The following AGMO variants were observed in gnomAD, a reference collection of about 807,000 sequenced individuals.
The protein encoded by AGMO is glyceryl-ether monooxygenase.
In AGMO, 75 loss-of-function variants were observed where a neutral mutation model predicts 60.2. The ratio of observed to expected loss-of-function variants is 1.25; its 90% CI spans 1.03 to 1.51. AGMO has a LOEUF of 1.51. Ranked by LOEUF, AGMO falls within the 40% of genes most tolerant of loss-of-function variation. The pLI, the probability that AGMO is intolerant of heterozygous loss-of-function variation, is 0.00. For synonymous variants in AGMO, 261 were observed against 177.1 expected, an observed-to-expected ratio of 1.47 and a Z score of -3.76; for missense variants, 763 against 525.5, an observed-to-expected ratio of 1.45 and a Z score of -4.42.
chr7:15,379,053 C>A lies in AGMO; in HGVS notation c.1074+6393G>T, dbSNP rs903023942. On this transcript the variant is annotated intron_variant, in intron 10 of 12. Coordinates refer to ENST00000342526, the MANE Select transcript of AGMO (RefSeq NM_001004320.2). ...TTAAGGCAAAAGTTTCAAAGAAGTT[C>A]TTTGAAACTAATGAGAACAAAGACA... Among the ~76,000 whole-genome samples, 17 of 152,070 alleles carry A rather than the reference C, an allele frequency of 1.1e-4. No homozygotes were observed. The East Asian group carries it at 3.1e-3, about 28-fold the overall frequency.
At chr7:15,347,396 C>T (rs1782072694) in intron 12 of AGMO, among the ~76,000 whole-genome samples, 1 of 152,002 alleles carries the variant, frequency 6.6e-6, no homozygotes. Flanking sequence ...GACAACAGCT[C>T]CATTTATTTT....
At chr7:15,118,480 GCA>G in the AGMO span, among the ~76,000 whole-genome samples, 1 of 152,020 alleles carries the variant, frequency 6.6e-6, no homozygotes, top group East Asian at 1.9e-4. Context: ...TGTTTTCTCA[GCA>G]TAAGCTCACT....
At chr7:15,391,482 ATTAT>A (rs1015157248) in intron 6 of AGMO, among the ~76,000 whole-genome samples, 95 of 152,296 alleles carry the variant, frequency 6.2e-4, no homozygotes, top group African/African-American at 1.9e-3. Flanking sequence ...ATAGCTGGTC[ATTAT>A]TTATTTAATA....
At chr7:15,150,914 G>T in the AGMO span, among the ~76,000 whole-genome samples, 2 of 151,970 alleles carry the variant, frequency 1.3e-5, no homozygotes, top group African/African-American at 4.8e-5. Flanking sequence ...TTCTTTATAT[G>T]TCTGGTAGAA....
At chr7:15,430,072 C>A (rs1035979343) in intron 4 of AGMO, among the ~76,000 whole-genome samples, 12 of 151,726 alleles carry the variant, frequency 7.9e-5, no homozygotes, top group Non-Finnish European at 1.6e-4. Context: ...AAAATAAGAG[C>A]AATAATAATT....
chr7:15,479,079 C>T (rs1159827175), intron 3 of AGMO, among the ~76,000 whole-genome samples: 1 of 151,994 alleles, frequency 6.6e-6, no homozygotes, highest in Non-Finnish European at 1.5e-5. Context: ...TAGTTTTCAT[C>T]AAAATAAATA....
At chr7:15,268,774 G>A (rs960377440) in intron 12 of AGMO, among the ~76,000 whole-genome samples, 1 of 151,912 alleles carries the variant, frequency 6.6e-6, no homozygotes, top group African/African-American at 2.4e-5. Flanking sequence ...TGGGGATAAT[G>A]TAGGCATTTG....
chr7:15,354,385 T>TGTGTATATAC lies in AGMO; in HGVS notation c.1263+11128_1263+11129insGTATATACAC, dbSNP rs1455945717. 2.6e-3 allele frequency among the ~76,000 whole-genome samples: 25 copies of TGTGTATATAC among 9,672 alleles called. 4 individuals are homozygous for TGTGTATATAC. The highest frequency in any genetic ancestry group is 0.015 in the African/African-American group (22 of 1,506). 6.3% of individuals were successfully genotyped at this position (9,672 alleles called of 152,430 possible). A position where few individuals can be genotyped will look rare whatever the true frequency, so the allele number is the denominator to read the frequency against. ...GTGTATATAGACGTGTGTATACACG[T>TGTGTATATAC]GTGTGTATACACGTGTGTGTACACA... is the stretch of plus-strand genomic sequence containing the variant. On this transcript the variant is annotated intron_variant, in intron 12 of 12. Transcript: ENST00000342526.
chr7:15,520,492 AAC>A (rs779549118), intron 3 of AGMO, among the ~76,000 whole-genome samples: 13 of 152,186 alleles, frequency 8.5e-5, no homozygotes, highest in Non-Finnish European at 1.5e-4. Context: ...AATCATAACA[AAC>A]AGTCTCTCAG....
At chr7:15,190,007 T>C in the AGMO span, among the ~76,000 whole-genome samples, 1 of 149,958 alleles carries the variant, frequency 6.7e-6, no homozygotes, top group Non-Finnish European at 1.5e-5. Flanking sequence ...CCCATATCCA[T>C]ATGTACCAAA....
the AGMO span, among the ~76,000 whole-genome samples, chr7:15,190,674 C>T: frequency 2.0e-5 from 3 of 152,054 alleles, no homozygotes; most frequent in South Asian, 2.1e-4. Context: ...TGAAATAAAA[C>T]CTTATTAATT....
At chr7:15,304,688 G>A (rs753163399) in intron 12 of AGMO, among the ~76,000 whole-genome samples, 2 of 152,114 alleles carry the variant, frequency 1.3e-5, no homozygotes, top group Non-Finnish European at 2.9e-5. Flanking sequence ...ACAGTCCAAT[G>A]AACTCAAATA....
At chr7:15,525,411 T>C (rs1008619168) in intron 3 of AGMO, among the ~76,000 whole-genome samples, 2 of 152,088 alleles carry the variant, frequency 1.3e-5, no homozygotes, top group African/African-American at 4.8e-5. Context: ...CCTTCCCTAA[T>C]TGGTTTTTTA....
At chr7:15,346,568 T>C (rs1466293351) in intron 12 of AGMO, among the ~76,000 whole-genome samples, 1 of 151,650 alleles carries the variant, frequency 6.6e-6, no homozygotes. Context: ...ATTGTCACTC[T>C]TCTTTATATT....
At position 15,349,563 on chromosome 7, in the gene AGMO, C is replaced by T. The variant is rs980894954; in HGVS notation, c.1263+15951G>A. Among the ~76,000 whole-genome samples the T allele has an allele frequency of 2.2e-4, 33 of 152,220 alleles. 1 individual carries two copies. The highest frequency in any genetic ancestry group is 7.9e-4 in the African/African-American group (33 of 41,528). On this transcript the variant is annotated intron_variant, in intron 12 of 12. Coordinates refer to ENST00000342526, the MANE Select transcript of AGMO (RefSeq NM_001004320.2). ...GACCCAATACCTACCTCATTTCTCACAGGTTCCTAGAAATCCTATTCTTCT... is the reference window on the plus strand; with the variant it reads ...GACCCAATACCTACCTCATTTCTCATAGGTTCCTAGAAATCCTATTCTTCT...
At chr7:15,484,955 G>A (rs1020474614) in intron 3 of AGMO, among the ~76,000 whole-genome samples, 2 of 152,148 alleles carry the variant, frequency 1.3e-5, no homozygotes, top group East Asian at 3.9e-4. Context: ...CTAAGGGGTG[G>A]TTGAGTAGGA....
At chr7:15,274,671 G>C (rs971603435) in intron 12 of AGMO, among the ~76,000 whole-genome samples, 1 of 149,108 alleles carries the variant, frequency 6.7e-6, no homozygotes, top group Non-Finnish European at 1.5e-5. Context: ...TAGAAGTTCA[G>C]TTGTGGATCC....
intron 12 of AGMO, among the ~76,000 whole-genome samples, chr7:15,234,154 T>C (rs1031617905): frequency 7.9e-5 from 12 of 152,164 alleles, no homozygotes; most frequent in African/African-American, 2.7e-4. Context: ...AGATTAAATA[T>C]AGTCCTTCCA....
Position 15,561,999 on chromosome 7 carries a change from CG to C in AGMO, c.-155del, listed in dbSNP as rs1390152024. On this transcript the variant is annotated 5_prime_UTR_variant, in exon 1 of 13. In the 5' UTR this introduces an upstream ATG that the reference lacks. Transcript: ENST00000342526. ...CTCCACTGAGAGCACACTCAACAGC[CG>C]ATTCTGTGTAGAGAGACAGGAAAAT... The C allele has an allele frequency of 3.1e-6, 2 of 638,766 alleles. No individual in the cohort carries two copies. Among genetic ancestry groups the C allele is most frequent in the Non-Finnish European group, 5.0e-6 (2 of 400,436 alleles). The allele number at this position is 638,766 out of a possible 1,614,324, so 39.6% of individuals were successfully genotyped here.
Sources: allele counts gnomAD v4.1 joint callset (sites outside exome capture counted in the v4.1 genomes callset), GRCh38; gene constraint gnomAD v4.1.1; transcripts MANE v1.5; gene names NCBI Gene and HGNC (gene_info 2026-07-23, HGNC 2026-07-21).